The following CCDC38 variants were observed in gnomAD, a reference collection of about 807,000 sequenced individuals.
CCDC38 encodes the protein coiled-coil domain-containing protein 38.
CCDC38 carries 69 observed loss-of-function variants against 72.8 expected under a neutral mutation model. The observed-to-expected ratio is 0.95, with a 90% CI of 0.78 to 1.16. The LOEUF is 1.16. Ranked by LOEUF, CCDC38 falls within the 50% of genes most tolerant of loss-of-function variation. The pLI is 0.00. For missense variants in CCDC38, 626 were observed against 638.9 expected, an observed-to-expected ratio of 0.98 and a Z score of 0.22; for synonymous variants, 201 against 213.2, an observed-to-expected ratio of 0.94 and a Z score of 0.50.
At chr12:95,887,978 C>A (rs1385698085) in intron 10 of CCDC38, among the ~76,000 whole-genome samples, 1 of 152,044 alleles carries the variant, frequency 6.6e-6, no homozygotes, top group Non-Finnish European at 1.5e-5. Context: ...GGCTGGTGTA[C>A]CCATCCCAGG....
At chr12:95,870,205 A>T (rs2079566136) in intron 14 of CCDC38, among the ~76,000 whole-genome samples, 1 of 152,212 alleles carries the variant, frequency 6.6e-6, no homozygotes, top group Admixed American at 6.5e-5. Context: ...TACACAAATA[A>T]ATGCATAGCT....
Position 95,872,261 on chromosome 12 carries a change from C to T in CCDC38, c.1478G>A (p.Arg493Gln), listed in dbSNP as rs75483222. 4.8e-4 allele frequency: 770 copies of T among 1,614,042 alleles called. 1 individual carries two copies. In the African/African-American group the frequency reaches 8.9e-3, roughly 19 times the overall value. ...TTATCCTTATTGACTGTACTTTTGC[C>T]GCCATTCTTTCTGTTTCATCCTCTC... ...AIERMKQKEW[R>Q]QKFRDEKMKE... The change falls in exon 14 of 16, where the codon CGG becomes CAG. Residue 493 changes from arginine to glutamine, a missense_variant. Physicochemically the swap from Arg to Gln is conservative, Grantham distance 43. Transcript: ENST00000344280.
chr12:95,898,442 T>C lies in CCDC38; in HGVS notation c.557A>G (p.Lys186Arg), dbSNP rs2079914602. The change falls in exon 7 of 16, where the codon AAA (lysine) becomes AGA (arginine). Residue 186 changes from lysine (K) to arginine (R), a missense_variant. Coordinates refer to ENST00000344280, the MANE Select transcript of CCDC38 (RefSeq NM_182496.3). ...CTTCAGCTCTGCTGTCATTTGGAGT[T>C]TGTTTATTGTTTCCTGTGCTGCCCT... ...LKMAAQETIN[K>R]LQMTAELKKA... 1 of 1,614,042 alleles carries C rather than the reference T, an allele frequency of 6.2e-7. No homozygotes were observed. Among genetic ancestry groups the C allele is most frequent in the Non-Finnish European group, 8.5e-7 (1 of 1,180,020 alleles).
intron 4 of CCDC38, among the ~76,000 whole-genome samples, chr12:95,910,420 C>G (rs1418348317): frequency 2.0e-5 from 3 of 152,066 alleles, no homozygotes; most frequent in Admixed American, 6.5e-5. Context: ...TCATAGATGA[C>G]ACAAACAAAT....
At position 95,923,122 on chromosome 12, in the gene CCDC38, C is replaced by T. The variant is rs574669699; in HGVS notation, c.38-4146G>A. Among the ~76,000 whole-genome samples the T allele has an allele frequency of 2.6e-5, 4 of 152,204 alleles. No homozygotes were observed. The East Asian group carries it at 7.7e-4, about 29-fold the overall frequency. On this transcript the variant is annotated intron_variant, in intron 2 of 15. Coordinates refer to ENST00000344280, the MANE Select transcript of CCDC38 (RefSeq NM_182496.3). ...CTGGGACATCTCATCTCATCTTCTC[C>T]TATGCTGAGACTGGAACTCACACCA...
At chr12:95,897,041 C>T (rs903566452) in intron 7 of CCDC38, among the ~76,000 whole-genome samples, 9 of 152,152 alleles carry the variant, frequency 5.9e-5, no homozygotes, top group African/African-American at 2.2e-4. Flanking sequence ...CAGCTTTAGG[C>T]TCCTAAAATA....
chr12:95,898,286 A>G (rs2079912459), intron 7 of CCDC38, 99 bp downstream of exon 7: 1 of 1,142,838 alleles, frequency 8.8e-7, no homozygotes, highest in Non-Finnish European at 1.3e-6. Context: ...GACATCATCA[A>G]CTGATAAGGA....
chr12:95,892,673 G>A (rs1394016440), intron 8 of CCDC38, among the ~76,000 whole-genome samples: 4 of 150,714 alleles, frequency 2.7e-5, no homozygotes, highest in South Asian at 2.1e-4. Context: ...AGGTTCAAGC[G>A]ATTCTCCTGC....
At position 95,890,884 on chromosome 12, in the gene CCDC38, G is replaced by T. The variant is rs375612160; in HGVS notation, c.819C>A (p.Ser273=). 1 of 1,606,736 alleles carries T rather than the reference G, an allele frequency of 6.2e-7. No homozygotes were observed. Among genetic ancestry groups the T allele is most frequent in the African/African-American group, 1.3e-5 (1 of 74,826 alleles). ...CTTCTGAAAGGACAGCTGTCCTCCC[G>T]GACTCCTCAAGGATGCCTTCCTTGT... ...SSNKEGILEE[S]GRTAVLSEDA... Residue 273 remains serine (S), a synonymous_variant, in exon 9 of 16, where the codon TCC becomes TCA. Coordinates refer to ENST00000344280, the MANE Select transcript of CCDC38 (RefSeq NM_182496.3).
At position 95,921,418 on chromosome 12, in the gene CCDC38, TGGGAAGACCTC is replaced by T. The variant is rs1441059021; in HGVS notation, c.38-2453_38-2443del. ...TAATTGACTCACAGTTCTGCATAGC[TGGGAAGACCTC>T]GGGAAACTTACAATCATGGTAGAAG... is the stretch of plus-strand genomic sequence containing the variant. On this transcript the variant is annotated intron_variant, in intron 2 of 15. Coordinates refer to ENST00000344280, the MANE Select transcript of CCDC38 (RefSeq NM_182496.3). Among the ~76,000 whole-genome samples, 84 of 152,262 alleles carry T rather than the reference TGGGAAGACCTC, an allele frequency of 5.5e-4. 2 individuals carry two copies. The highest frequency in any genetic ancestry group is 5.8e-4 in the East Asian group (3 of 5,164).
intron 5 of CCDC38, 60 bp from the exon 6 acceptor site, chr12:95,898,791 A>C: frequency 1.4e-6 from 2 of 1,479,962 alleles, no homozygotes; most frequent in Non-Finnish European, 1.9e-6. Flanking sequence ...TAATTTCAAC[A>C]GTCTTATACA....
At chr12:95,904,461 G>A (rs2079981092) in intron 5 of CCDC38, among the ~76,000 whole-genome samples, 1 of 152,238 alleles carries the variant, frequency 6.6e-6, no homozygotes, top group South Asian at 2.1e-4. Flanking sequence ...CATGGGTATA[G>A]TTTATTAAAA....
chr12:95,893,184 T>C (rs1001078008), intron 8 of CCDC38, among the ~76,000 whole-genome samples: 1 of 152,212 alleles, frequency 6.6e-6, no homozygotes, highest in Admixed American at 6.5e-5. Flanking sequence ...AATATCAATC[T>C]TTCTATCTGA....
intron 2 of CCDC38, among the ~76,000 whole-genome samples, chr12:95,930,439 G>A (rs1183695433): frequency 6.6e-6 from 1 of 152,070 alleles, no homozygotes; most frequent in African/African-American, 2.4e-5. Flanking sequence ...GGATTCCTTG[G>A]ATTGTAGATC....
chr12:95,915,070 C>T (rs2080130949), intron 4 of CCDC38, among the ~76,000 whole-genome samples: 1 of 152,212 alleles, frequency 6.6e-6, no homozygotes. Flanking sequence ...AAATCCTGTG[C>T]TGTCAACTTA....
At chr12:95,903,377 A>T (rs756025510) in intron 5 of CCDC38, 14 of 681,246 alleles carry the variant, frequency 2.1e-5, no homozygotes, top group South Asian at 1.2e-4. Flanking sequence ...AATGTCTTTC[A>T]TTTTTTTTTC....
chr12:95,906,070 A>G (rs2079997477), intron 5 of CCDC38, among the ~76,000 whole-genome samples: 1 of 152,234 alleles, frequency 6.6e-6, no homozygotes, highest in Admixed American at 6.5e-5. Context: ...AGAAGAGATA[A>G]TTGGAGAAAA....
intron 7 of CCDC38, 59 bp downstream of exon 7, chr12:95,898,326 T>A: frequency 6.7e-7 from 1 of 1,497,476 alleles, no homozygotes. Flanking sequence ...TTACCTGGCA[T>A]GAATAGGTTT....
chr12:95,921,186 C>A (rs933454840), intron 2 of CCDC38, among the ~76,000 whole-genome samples: 1 of 151,740 alleles, frequency 6.6e-6, no homozygotes, highest in Admixed American at 6.6e-5. Context: ...TCTGCATGGA[C>A]TTCCTGTTTT....
Sources: gnomAD v4.1 joint callset for allele counts (sites outside exome capture counted in the v4.1 genomes callset) on GRCh38, gnomAD v4.1.1 for gene constraint, MANE v1.5 for transcripts, NCBI Gene and HGNC (gene_info 2026-07-23, HGNC 2026-07-21) for gene names.